Variants in SMG7 observed in about 807,000 individuals in gnomAD.
SMG7 encodes the protein SMG7 nonsense mediated mRNA decay factor, also known as nonsense-mediated mRNA decay factor SMG7.
Under a neutral mutation model 148.2 loss-of-function variants are expected in SMG7, and 34 were observed. That is an observed-to-expected ratio of 0.23 (90% CI 0.17 to 0.31). The LOEUF (loss-of-function observed/expected upper bound fraction) is 0.31. SMG7 is among the 10% of genes least tolerant of loss of function. SMG7 has a pLI of 1.00. For missense variants in SMG7, 1,114 were observed against 1,408.4 expected (o/e 0.79, Z 3.35); for synonymous variants, 492 against 515.1 (o/e 0.96, Z 0.61).
Position 183,551,207 on chromosome 1 carries a change from A to T in SMG7, c.3450+17A>T. On this transcript the variant is annotated intron_variant, in intron 22 of 22. Coordinates refer to ENST00000688051, the MANE Select transcript of SMG7 (RefSeq NM_001375584.1). ...AGCCTAAAGGTGAGTAGATTTCAGG[A>T]ACAAGAACCACAAGATTATTACAGC... 1 of 1,552,508 alleles carries T rather than the reference A, an allele frequency of 6.4e-7. No homozygotes were observed. The highest frequency in any genetic ancestry group is 8.6e-7 in the Non-Finnish European group (1 of 1,156,074).
At chr1:183,507,688 G>A (rs1379417844) in intron 1 of SMG7, among the ~76,000 whole-genome samples, 1 of 152,098 alleles carries the variant, frequency 6.6e-6, no homozygotes, top group Non-Finnish European at 1.5e-5. Context: ...GTATTCTAAT[G>A]TACCTAGTAC....
chr1:183,519,851 T>C (rs557922418), intron 4 of SMG7, among the ~76,000 whole-genome samples: 1 of 152,324 alleles, frequency 6.6e-6, no homozygotes, highest in South Asian at 2.1e-4. Context: ...TATTATTTCC[T>C]GAGGACCAGT....
intron 9 of SMG7, 141 bp downstream of exon 9, chr1:183,533,467 A>T: frequency 1.0e-6 from 1 of 1,000,340 alleles, no homozygotes; most frequent in South Asian, 1.6e-5. Flanking sequence ...ATAACTTTCA[A>T]CCCCAAGTTC....
intron 1 of SMG7, among the ~76,000 whole-genome samples, chr1:183,488,338 A>G (rs1391869904): frequency 1.3e-5 from 2 of 152,204 alleles, no homozygotes; most frequent in African/African-American, 2.4e-5. Context: ...ATTTAAATGC[A>G]TTTAAATAAA....
chr1:183,546,841 C>T (rs1670005688), intron 17 of SMG7, among the ~76,000 whole-genome samples: 1 of 152,188 alleles, frequency 6.6e-6, no homozygotes, highest in Non-Finnish European at 1.5e-5. Flanking sequence ...TGCTCCATAG[C>T]ATTGTTTTAC....
chr1:183,542,581 A>G (rs1669069510), intron 14 of SMG7, 79 bp downstream of exon 14: 2 of 1,267,832 alleles, frequency 1.6e-6, no homozygotes, highest in Non-Finnish European at 2.2e-6. Flanking sequence ...TTCTAAAGCC[A>G]TGAGAATTGG....
intron 1 of SMG7, among the ~76,000 whole-genome samples, chr1:183,492,222 A>C (rs1427227087): frequency 2.0e-5 from 3 of 152,174 alleles, no homozygotes; most frequent in Admixed American, 6.5e-5. Flanking sequence ...GTTTGAGGTT[A>C]ATTTTTTTCT....
chr1:183,501,660 G>C (rs186675350), intron 1 of SMG7, among the ~76,000 whole-genome samples: 1 of 152,106 alleles, frequency 6.6e-6, no homozygotes, highest in Non-Finnish European at 1.5e-5. Flanking sequence ...CTTCCTTGTT[G>C]GTCTGTCTCT....
In SMG7 at chr1:183,552,533, C is replaced by G; in HGVS notation, c.*602C>G. ...TGGTGACAGGATGGGGAACCGACCTCTTCAGCCAGTGGAAATGTTCCATAA... is the reference window on the plus strand; with the variant it reads ...TGGTGACAGGATGGGGAACCGACCTGTTCAGCCAGTGGAAATGTTCCATAA... On this transcript the variant is annotated 3_prime_UTR_variant, in exon 23 of 23. Transcript: ENST00000688051. The G allele has an allele frequency of 1.0e-6, 1 of 1,002,594 alleles. No homozygotes were observed. Among genetic ancestry groups the G allele is most frequent in the Non-Finnish European group, 1.2e-6 (1 of 839,632 alleles). The allele number at this position is 1,002,594 out of a possible 1,614,324, so 62.1% of individuals were successfully genotyped here.
At chr1:183,481,632 A>G (rs1176244954) in intron 1 of SMG7, among the ~76,000 whole-genome samples, 2 of 152,172 alleles carry the variant, frequency 1.3e-5, no homozygotes, top group East Asian at 3.8e-4. Flanking sequence ...TATAAAAATG[A>G]ACCGATACTT....
intron 20 of SMG7, 110 bp downstream of exon 20, chr1:183,550,033 A>G: frequency 1.3e-6 from 1 of 758,142 alleles, no homozygotes; most frequent in Non-Finnish European, 2.0e-6. Context: ...GGTTATTTTT[A>G]TTTTTTGTTT....
At chr1:183,524,766 A>G (rs1211655081) in intron 4 of SMG7, among the ~76,000 whole-genome samples, 1 of 152,216 alleles carries the variant, frequency 6.6e-6, no homozygotes, top group East Asian at 1.9e-4. Flanking sequence ...CTGTGTTGCT[A>G]CTAGTTTATC....
chr1:183,505,788 A>G (rs1184091449), intron 1 of SMG7, among the ~76,000 whole-genome samples: 1 of 151,406 alleles, frequency 6.6e-6, no homozygotes, highest in African/African-American at 2.4e-5. Context: ...GGAGTGACAG[A>G]CTCTTTCCTC....
chr1:183,543,922 A>C (rs1282765721), intron 14 of SMG7, among the ~76,000 whole-genome samples: 1 of 152,212 alleles, frequency 6.6e-6, no homozygotes, highest in Non-Finnish European at 1.5e-5. Flanking sequence ...CTGAGGGCCA[A>C]AATAACTCAC....
chr1:183,547,904 T>G (rs971211441), intron 18 of SMG7, among the ~76,000 whole-genome samples: 1 of 152,182 alleles, frequency 6.6e-6, no homozygotes, highest in African/African-American at 2.4e-5. Context: ...CATCATTCTA[T>G]ATGCTTGTCA....
At chr1:183,550,185 G>T in intron 20 of SMG7, 1 of 343,158 alleles carries the variant, frequency 2.9e-6, no homozygotes, top group Non-Finnish European at 5.3e-6. Context: ...CTATCTTATG[G>T]TTCTCAGCTG....
At chr1:183,529,566 G>A (rs770140813) in intron 8 of SMG7, 33 bp downstream of exon 8, 1 of 1,581,776 alleles carries the variant, frequency 6.3e-7, no homozygotes, top group South Asian at 1.1e-5. Flanking sequence ...TTTTTGTCTT[G>A]TCTAAATCAG....
chr1:183,550,767 C>G lies in SMG7; in HGVS notation c.3150C>G (p.Ala1050=). 1 of 1,614,076 alleles carries G rather than the reference C, an allele frequency of 6.2e-7. No individual in the cohort carries two copies. Among genetic ancestry groups the G allele is most frequent in the Non-Finnish European group, 8.5e-7 (1 of 1,179,974 alleles). ...LPASSDHSTP[A]SQSPHSSNPS... ...ATTTAATAGATCATTCAACACCAGC[C>G]AGCCAGTCTCCTCATTCCTCTAACC... Residue 1050 remains alanine, a synonymous_variant, in exon 21 of 23, where the codon GCC becomes GCG. Coordinates refer to ENST00000688051, the MANE Select transcript of SMG7 (RefSeq NM_001375584.1).
intron 1 of SMG7, among the ~76,000 whole-genome samples, chr1:183,502,871 G>A (rs1166586106): frequency 6.6e-6 from 1 of 152,184 alleles, no homozygotes; most frequent in East Asian, 1.9e-4. Flanking sequence ...TGCTAGAGAA[G>A]CCCTCTTGTA....
Sources: gnomAD v4.1 joint callset for allele counts (sites outside exome capture counted in the v4.1 genomes callset) on GRCh38, gnomAD v4.1.1 for gene constraint, MANE v1.5 for transcripts, NCBI Gene and HGNC (gene_info 2026-07-23, HGNC 2026-07-21) for gene names.